Variants in BANP observed in about 807,000 individuals in gnomAD.
The protein encoded by BANP is BTG3 associated nuclear protein, also known as protein BANP.
In BANP, 11 loss-of-function variants were observed where a neutral mutation model predicts 68.1. The observed-to-expected ratio is 0.16, with a 90% confidence interval of 0.10 to 0.27. The LOEUF is 0.27. BANP is among the 10% of genes least tolerant of loss of function. BANP has a pLI of 1.00. For synonymous variants in BANP, 329 were observed against 303.2 expected, an observed-to-expected ratio of 1.09 and a Z score of -0.88; for missense variants, 504 against 722.7, an observed-to-expected ratio of 0.70 and a Z score of 3.47.
Position 88,075,713 on chromosome 16 carries a change from T to C in BANP, c.1522-877T>C, listed in dbSNP as rs143147406. Among the ~76,000 whole-genome samples the C allele has an allele frequency of 4.4e-3, 657 of 151,006 alleles. 6 individuals are homozygous for C. The highest frequency in any genetic ancestry group is 0.015 in the African/African-American group (614 of 41,080). On this transcript the variant is annotated intron_variant, in intron 13 of 13. Transcript: ENST00000682872. ...CCGTGTGGCTGAGCTGGAGGATGAG[T>C]GACTTATTCCAAGACTGTATGTTTT... is the stretch of plus-strand genomic sequence containing the variant.
intron 6 of BANP, among the ~76,000 whole-genome samples, chr16:88,012,900 C>G (rs1383522072): frequency 2.0e-5 from 3 of 151,730 alleles, no homozygotes; most frequent in Non-Finnish European, 4.4e-5. Context: ...AGTACAAATT[C>G]CAGGCTGGGA....
intron 8 of BANP, among the ~76,000 whole-genome samples, chr16:88,031,200 G>A (rs2078097023): frequency 6.6e-6 from 1 of 152,234 alleles, no homozygotes; most frequent in Admixed American, 6.5e-5. Context: ...ATCACTGGAG[G>A]TGCTCAGGTG....
chr16:88,020,820 G>A (rs539286403), intron 7 of BANP, among the ~76,000 whole-genome samples: 8 of 152,316 alleles, frequency 5.3e-5, no homozygotes, highest in African/African-American at 1.9e-4. Flanking sequence ...AAGGATTCGG[G>A]CTTTCAGGGC....
intron 4 of BANP, among the ~76,000 whole-genome samples, chr16:87,999,250 A>G (rs1415856363): frequency 7.6e-6 from 1 of 132,154 alleles, no homozygotes; most frequent in Non-Finnish European, 1.6e-5. Context: ...GCGCGGCTGT[A>G]CTTACCTGTC....
intron 4 of BANP, among the ~76,000 whole-genome samples, chr16:87,990,081 CTT>C (rs1262748528): frequency 2.0e-5 from 3 of 152,210 alleles, no homozygotes; most frequent in Non-Finnish European, 1.5e-5. Context: ...GGATTTTCTG[CTT>C]TGTTTTCATT....
rs370312246 is a variant in BANP at position 88,020,425 on chromosome 16, C to T, written c.895+1758C>T. ...CCAGCTTGAAACCCGGGGGTTGCTTCGTGCTGGTGCTTGCTGTGTGGATCA... is the reference window on the plus strand; with the variant it reads ...CCAGCTTGAAACCCGGGGGTTGCTTTGTGCTGGTGCTTGCTGTGTGGATCA... On this transcript the variant is annotated intron_variant, in intron 7 of 13. Coordinates refer to ENST00000682872, the MANE Select transcript of BANP (RefSeq NM_001386991.1). Among the ~76,000 whole-genome samples, 196 of 152,340 alleles carry T rather than the reference C, an allele frequency of 1.3e-3. 1 individual carries two copies. Among genetic ancestry groups the T allele is most frequent in the African/African-American group, 4.7e-3 (194 of 41,588 alleles).
chr16:88,011,808 C>G (rs373895234), intron 6 of BANP, among the ~76,000 whole-genome samples: 46 of 152,252 alleles, frequency 3.0e-4, no homozygotes, highest in African/African-American at 9.4e-4. Flanking sequence ...GGTACCCCCC[C>G]TCTTCCTCTC....
Position 88,071,913 on chromosome 16 carries a change from G to A in BANP, c.1378-156G>A, listed in dbSNP as rs1187318209. 2 of 927,192 alleles carry A rather than the reference G, an allele frequency of 2.2e-6. No homozygotes were observed. The highest frequency in any genetic ancestry group is 2.6e-5 in the East Asian group (1 of 38,178). 57.4% of individuals were successfully genotyped at this position (927,192 alleles called of 1,614,324 possible). A position where few individuals can be genotyped will look rare whatever the true frequency, so the allele number is the denominator to read the frequency against. Reference sequence around the variant, plus strand: ...CTTGAGAGCGATGGGGAGACAGGATGTGCCGCAGAGTCCTCGGTGTGGCCC... The same window carrying A: ...CTTGAGAGCGATGGGGAGACAGGATATGCCGCAGAGTCCTCGGTGTGGCCC... On this transcript the variant is annotated intron_variant, in intron 12 of 13. Transcript: ENST00000682872. The surrounding 1 kb of genome is among the most constrained non-coding windows in gnomAD (Gnocchi z 6.5).
At chr16:87,973,362 C>T (rs144965059) in intron 1 of BANP, among the ~76,000 whole-genome samples, 184 of 152,062 alleles carry the variant, frequency 1.2e-3, no homozygotes, top group African/African-American at 4.1e-3. Context: ...TTTTATTGAT[C>T]GTATATTTGA....
intron 13 of BANP, 116 bp from the exon 14 acceptor site, chr16:88,076,474 C>A: frequency 1.2e-6 from 1 of 857,052 alleles, no homozygotes; most frequent in Non-Finnish European, 1.8e-6. Flanking sequence ...GGCTCCTTCG[C>A]GCTCCTGTGT....
At position 88,036,009 on chromosome 16, in the gene BANP, G is replaced by A. The variant is rs191484748; in HGVS notation, c.1272+615G>A. ...CTGGAATGTGAAGGCGGCAGTGACA[G>A]TCTGAGTTCTTGGAAAGCCGAGGCC... On this transcript the variant is annotated intron_variant, in intron 10 of 13. Transcript: ENST00000682872. The surrounding 1 kb of genome is among the most constrained non-coding windows in gnomAD (Gnocchi z 4.2). Among the ~76,000 whole-genome samples, 6 of 152,228 alleles carry A rather than the reference G, an allele frequency of 3.9e-5. No homozygotes were observed. The highest frequency in any genetic ancestry group is 1.4e-4 in the African/African-American group (6 of 41,460).
chr16:87,955,507 G>A (rs190263653), intron 1 of BANP, among the ~76,000 whole-genome samples: 2 of 152,330 alleles, frequency 1.3e-5, no homozygotes, highest in Admixed American at 1.3e-4. Context: ...AAAGTTCACA[G>A]CATTATTGCG....
At chr16:88,029,435 CCGTCT>C (rs1217318009) in intron 8 of BANP, among the ~76,000 whole-genome samples, 1 of 151,540 alleles carries the variant, frequency 6.6e-6, no homozygotes, top group Non-Finnish European at 1.5e-5. Context: ...CGGTGAAACC[CCGTCT>C]CTACTAAAAG....
intron 8 of BANP, among the ~76,000 whole-genome samples, chr16:88,031,957 A>G (rs2152737076): frequency 6.6e-6 from 1 of 151,926 alleles, no homozygotes; most frequent in African/African-American, 2.4e-5. Context: ...GACGCGTGCC[A>G]CCACACCTGG....
rs556914073 is a variant in BANP, at chr16:87,974,961, C to T, written c.-68-87C>T. 1.1e-5 allele frequency: 7 copies of T among 645,848 alleles called. No homozygotes were observed. The South Asian group carries it at 1.3e-4, about 12-fold the overall frequency. The allele number at this position is 645,848 out of a possible 1,614,324, so 40.0% of individuals were successfully genotyped here. A position where few individuals can be genotyped will look rare whatever the true frequency, so the allele number is the denominator to read the frequency against. ...CTCCACAGACGTTCGCGGCCTCTTG[C>T]ATACACGTGCTCGGCTCGTGGTTTT... On this transcript the variant is annotated intron_variant, in intron 1 of 13. Coordinates refer to ENST00000682872, the MANE Select transcript of BANP (RefSeq NM_001386991.1).
intron 4 of BANP, among the ~76,000 whole-genome samples, chr16:87,985,042 G>A (rs1027645062): frequency 1.3e-5 from 2 of 152,158 alleles, no homozygotes; most frequent in South Asian, 2.1e-4. Flanking sequence ...CGGGGGCGCC[G>A]GGGAGGACAT....
rs190573856 is a variant in BANP, at chr16:87,953,325, A to G, written c.-69+1810A>G. The stretch of plus-strand genomic sequence containing the variant: ...AGCCCCGTTCTTCAAAGAGGTTTAC[A>G]TCTTGAGTGGTTTCTTTAGGTCATT... On this transcript the variant is annotated intron_variant, in intron 1 of 13. Transcript: ENST00000682872. Among the ~76,000 whole-genome samples the G allele has an allele frequency of 3.3e-3, 504 of 152,294 alleles. 1 individual carries two copies. Among genetic ancestry groups the G allele is most frequent in the African/African-American group, 0.012 (484 of 41,556 alleles).
intron 8 of BANP, among the ~76,000 whole-genome samples, chr16:88,030,506 T>C (rs1490100198): frequency 1.3e-5 from 2 of 152,228 alleles, no homozygotes; most frequent in Admixed American, 1.3e-4. Flanking sequence ...AAACCCAAGT[T>C]AAATGACTTG....
At chr16:87,972,853 C>T (rs867500289) in intron 1 of BANP, among the ~76,000 whole-genome samples, 1 of 152,166 alleles carries the variant, frequency 6.6e-6, no homozygotes, top group Non-Finnish European at 1.5e-5. Context: ...TTGGATAATG[C>T]GTTTTGAGAG....
Sources: allele counts gnomAD v4.1 joint callset (sites outside exome capture counted in the v4.1 genomes callset), GRCh38; gene constraint gnomAD v4.1.1; non-coding constraint Gnocchi (gnomAD v3.1); transcripts MANE v1.5; gene names NCBI Gene and HGNC (gene_info 2026-07-23, HGNC 2026-07-21).